Variants in ALMS1 observed in about 807,000 individuals in gnomAD.
ALMS1 encodes centrosome-associated protein ALMS1.
ALMS1 carries 271 observed loss-of-function variants against 352.2 expected under a neutral mutation model. The ratio of observed to expected loss-of-function variants is 0.77; its 90% confidence interval spans 0.70 to 0.85. The LOEUF is 0.85. Ranked by LOEUF, ALMS1 falls within the 40% of genes least tolerant of loss-of-function variation. The pLI is 0.00. For synonymous variants in ALMS1, 1,865 were observed against 1,761.2 expected (o/e 1.06, Z -1.48); for missense variants, 5,445 against 4,870.7 (o/e 1.12, Z -3.51).
intron 12 of ALMS1, among the ~76,000 whole-genome samples, chr2:73,543,304 C>G (rs58436251): frequency 1.5e-3 from 233 of 152,188 alleles, no homozygotes; most frequent in African/African-American, 5.3e-3. Flanking sequence ...GGGAAAGCTG[C>G]CTAGCCATAT....
chr2:73,396,303 T>TACACACACACAC (rs757567739), intron 1 of ALMS1, among the ~76,000 whole-genome samples: 25 of 144,142 alleles, frequency 1.7e-4, no homozygotes, highest in African/African-American at 5.8e-4. Flanking sequence ...GTCATAGAAA[T>TACACACACACAC]ACACACACAC....
chr2:73,574,706 G>T (rs1275428122), intron 16 of ALMS1, among the ~76,000 whole-genome samples: 3 of 152,132 alleles, frequency 2.0e-5, no homozygotes, highest in Non-Finnish European at 2.9e-5. Flanking sequence ...TAAGGCTTTT[G>T]TTCCATAGGG....
intron 13 of ALMS1, among the ~76,000 whole-genome samples, chr2:73,555,329 A>G (rs552581220): frequency 1.3e-4 from 20 of 152,336 alleles, no homozygotes; most frequent in African/African-American, 4.8e-4. Flanking sequence ...GAAACCTAAC[A>G]TACACAGAGA....
chr2:73,603,578 G>A (rs867010609), intron 21 of ALMS1: 10 of 401,378 alleles, frequency 2.5e-5, no homozygotes, highest in Admixed American at 1.8e-4. Flanking sequence ...GAATATTTTA[G>A]GCCAGGTACG....
intron 1 of ALMS1, among the ~76,000 whole-genome samples, chr2:73,408,345 A>G (rs1671011780): frequency 6.6e-6 from 1 of 152,216 alleles, no homozygotes; most frequent in Non-Finnish European, 1.5e-5. Flanking sequence ...TCAACCAGTA[A>G]GATTTAAAAA....
chr2:73,543,378 A>G (rs1689215888), intron 12 of ALMS1, among the ~76,000 whole-genome samples: 1 of 152,226 alleles, frequency 6.6e-6, no homozygotes, highest in African/African-American at 2.4e-5. Context: ...AGATGGATTA[A>G]AGACTTACAT....
At chr2:73,446,086 A>T (rs192923692) in intron 7 of ALMS1, among the ~76,000 whole-genome samples, 50 of 152,274 alleles carry the variant, frequency 3.3e-4, no homozygotes, top group African/African-American at 1.1e-3. Flanking sequence ...ACTGACAAGA[A>T]TTCTTCTTTA....
intron 16 of ALMS1, among the ~76,000 whole-genome samples, chr2:73,574,084 T>A (rs1365451628): frequency 2.0e-5 from 3 of 152,228 alleles, no homozygotes; most frequent in African/African-American, 7.2e-5. Context: ...ATCAATAACA[T>A]TCACTTTTTA....
intron 2 of ALMS1, among the ~76,000 whole-genome samples, chr2:73,414,913 G>C (rs1051473880): frequency 3.3e-5 from 5 of 152,050 alleles, no homozygotes; most frequent in Non-Finnish European, 5.9e-5. Flanking sequence ...TGCATAGTTA[G>C]CCACAAATCC....
intron 16 of ALMS1, among the ~76,000 whole-genome samples, chr2:73,591,987 T>C (rs564387603): frequency 2.0e-5 from 3 of 152,202 alleles, no homozygotes; most frequent in Non-Finnish European, 4.4e-5. Context: ...CTGGGAAATT[T>C]TATTATCCCA....
intron 13 of ALMS1, among the ~76,000 whole-genome samples, chr2:73,551,530 G>A (rs918943268): frequency 1.4e-5 from 2 of 143,216 alleles, no homozygotes; most frequent in African/African-American, 2.6e-5. Flanking sequence ...TTCACCTCCC[G>A]GGTTCAAGCG....
At chr2:73,422,813 C>A in intron 3 of ALMS1, 44 bp from the exon 4 acceptor site, 2 of 1,472,198 alleles carry the variant, frequency 1.4e-6, no homozygotes, top group Non-Finnish European at 1.9e-6. Context: ...AGTAAATAAT[C>A]AATTTTCAGC....
intron 13 of ALMS1, among the ~76,000 whole-genome samples, chr2:73,550,827 A>G (rs911296196): frequency 1.3e-5 from 2 of 152,096 alleles, no homozygotes; most frequent in Non-Finnish European, 2.9e-5. Context: ...GGAGATATGT[A>G]GCTGACATGA....
rs770284777 is a variant in ALMS1, at chr2:73,559,009, A to G, written c.10251A>G (p.Gln3417=). Residue 3417 remains glutamine (Q), a synonymous_variant, in exon 15 of 23, where the codon CAA becomes CAG. Transcript: ENST00000613296. ...CTGCTGCTGCAGAGCACTCAGCTCAAGTAGGAGACCCAGAAATGAAGAACT... is the reference window on the plus strand; with the variant it reads ...CTGCTGCTGCAGAGCACTCAGCTCAGGTAGGAGACCCAGAAATGAAGAACT... ...SAAAAAEHSA[Q]VGDPEMKNLP... is the part of the protein sequence containing the mutation. The G allele has an allele frequency of 1.9e-6, 3 of 1,614,034 alleles. No individual in the cohort carries two copies. The East Asian group carries it at 6.7e-5, about 36-fold the overall frequency.
Position 73,489,862 on chromosome 2 carries a change from C to G in ALMS1, c.7903C>G (p.Gln2635Glu). ...KHVNLSASLDQNNSHFKVWNS... is the reference protein window; with the variant it reads ...KHVNLSASLDENNSHFKVWNS... The stretch of plus-strand genomic sequence containing the variant: ...TGTCAACCTTTCTGCATCCTTAGAC[C>G]AGAACAACTCCCATTTCAAAGTTTG... The change falls in exon 10 of 23, where the codon CAG (glutamine) becomes GAG (glutamate). Residue 2635 changes from glutamine (Q) to glutamate (E), a missense_variant. Physicochemically the swap from Gln to Glu is conservative, Grantham distance 29. Coordinates refer to ENST00000613296, the MANE Select transcript of ALMS1 (RefSeq NM_001378454.1). 6.2e-7 allele frequency: 1 copy of G among 1,614,166 alleles called. No homozygotes were observed.
intron 1 of ALMS1, among the ~76,000 whole-genome samples, chr2:73,394,580 C>G (rs1003878705): frequency 1.3e-5 from 2 of 151,790 alleles, no homozygotes; most frequent in Non-Finnish European, 2.9e-5. Context: ...GAACTCCTGA[C>G]TTCAAGTGAT....
At chr2:73,576,057 A>G (rs1275070007) in intron 16 of ALMS1, among the ~76,000 whole-genome samples, 2 of 152,212 alleles carry the variant, frequency 1.3e-5, no homozygotes, top group African/African-American at 2.4e-5. Context: ...TTTTCTCAAC[A>G]TCGTTTGTTG....
chr2:73,578,404 C>T (rs1051342427), intron 16 of ALMS1, among the ~76,000 whole-genome samples: 38 of 152,168 alleles, frequency 2.5e-4, no homozygotes, highest in African/African-American at 6.7e-4. Flanking sequence ...TTACTTTCCC[C>T]GTGCTGTTTG....
In ALMS1 at chr2:73,449,733, T is replaced by C; in HGVS notation, c.3206T>C (p.Leu1069Pro). 2 of 1,614,140 alleles carry C rather than the reference T, an allele frequency of 1.2e-6. No homozygotes were observed. The highest frequency in any genetic ancestry group is 2.2e-5 in the South Asian group (2 of 91,080). Residue 1069 changes from leucine to proline, a missense_variant, in exon 8 of 23, where the codon CTA becomes CCA. Transcript: ENST00000613296. ...LYPQVLSDSH[L>P]PEESLKVSAF... is the part of the protein sequence containing the mutation. ...CCACAGGTGTTATCAGACAGTCATC[T>C]ACCTGAAGAGAGTCTGAAAGTTTCA...
Sources: gnomAD v4.1 joint callset for allele counts (sites outside exome capture counted in the v4.1 genomes callset) on GRCh38, gnomAD v4.1.1 for gene constraint, MANE v1.5 for transcripts, NCBI Gene and HGNC (gene_info 2026-07-23, HGNC 2026-07-21) for gene names.